Variants in SPATA6 observed in about 807,000 individuals in gnomAD.
The protein encoded by SPATA6 is spermatogenesis-associated protein 6.
A neutral mutation model predicts 65.3 loss-of-function variants in SPATA6; 56 were observed. The ratio of observed to expected loss-of-function variants is 0.86; its 90% CI spans 0.69 to 1.07. SPATA6 has a LOEUF of 1.07. SPATA6 is among the 50% of genes least tolerant of loss of function. The probability of loss-of-function intolerance (pLI) is 0.00; values close to 1 mark genes in which losing one functional copy is unlikely to be tolerated. For synonymous variants in SPATA6, 199 were observed against 213.2 expected (o/e 0.93, Z 0.58); for missense variants, 590 against 594.8 (o/e 0.99, Z 0.08).
At position 48,454,620 on chromosome 1, in the gene SPATA6, T is replaced by C. The variant is rs576884314; in HGVS notation, c.52-1489A>G. 5.9e-5 allele frequency among the ~76,000 whole-genome samples: 9 copies of C among 152,338 alleles called. No individual in the cohort carries two copies. The South Asian group carries it at 1.9e-3, about 32-fold the overall frequency. ...TAATTAAGAGGGTACATATCACCTC[T>C]TGATCATAAATTTCCTGAGGACAGA... On this transcript the variant is annotated intron_variant, in intron 1 of 12. Transcript: ENST00000371847.
chr1:48,472,137 G>A lies in SPATA6; in HGVS notation c.-129C>T. 2 of 695,818 alleles carry A rather than the reference G, an allele frequency of 2.9e-6. No individual in the cohort carries two copies. The highest frequency in any genetic ancestry group is 2.0e-5 in the South Asian group (1 of 48,790). 43.1% of individuals were successfully genotyped at this position (695,818 alleles called of 1,614,324 possible). A position where few individuals can be genotyped will look rare whatever the true frequency, so the allele number is the denominator to read the frequency against. On this transcript the variant is annotated 5_prime_UTR_variant, in exon 1 of 13. Coordinates refer to ENST00000371847, the MANE Select transcript of SPATA6 (RefSeq NM_019073.4). ...CGGTGGCAGCAGTGGCCCCCAGGCCGGGGCCCGCGGTCCAGCCTGGGTTCC... is the reference window on the plus strand; with the variant it reads ...CGGTGGCAGCAGTGGCCCCCAGGCCAGGGCCCGCGGTCCAGCCTGGGTTCC...
intron 12 of SPATA6, among the ~76,000 whole-genome samples, chr1:48,299,960 G>A (rs78271588): frequency 1.8e-4 from 27 of 152,242 alleles, no homozygotes; most frequent in South Asian, 8.3e-4. Flanking sequence ...AGGCAGAAGA[G>A]TTTGAAGTGA....
chr1:48,362,570 TC>T (rs1349771277), intron 9 of SPATA6, among the ~76,000 whole-genome samples: 1 of 152,078 alleles, frequency 6.6e-6, no homozygotes, highest in Non-Finnish European at 1.5e-5. Flanking sequence ...AGATTTAAAC[TC>T]ACAATCCAGA....
Position 48,298,843 on chromosome 1 carries a change from C to A in SPATA6, c.1337G>T (p.Trp446Leu). 1 of 1,613,916 alleles carries A rather than the reference C, an allele frequency of 6.2e-7. No individual in the cohort carries two copies. The change falls in exon 13 of 13, where the codon TGG becomes TTG. Residue 446 changes from tryptophan to leucine, a missense_variant. Physicochemically the swap from Trp to Leu is moderately conservative, Grantham distance 61. Coordinates refer to ENST00000371847, the MANE Select transcript of SPATA6 (RefSeq NM_019073.4). ...GTFHLDDGEYWSNRAASYKGK... is the reference protein window; with the variant it reads ...GTFHLDDGEYLSNRAASYKGK... Reference sequence around the variant, plus strand: ...CTTATAAGAGGCTGCCCTGTTGGACCAGTATTCACCGTCATCCAAATGGAA... The same window carrying A: ...CTTATAAGAGGCTGCCCTGTTGGACAAGTATTCACCGTCATCCAAATGGAA...
At chr1:48,410,589 G>A (rs1185809707) in intron 5 of SPATA6, among the ~76,000 whole-genome samples, 1 of 152,160 alleles carries the variant, frequency 6.6e-6, no homozygotes, top group Non-Finnish European at 1.5e-5. Flanking sequence ...TAATTTATCA[G>A]GAAAGAGGTT....
At chr1:48,363,601 T>C (rs1317029177) in intron 9 of SPATA6, among the ~76,000 whole-genome samples, 3 of 151,798 alleles carry the variant, frequency 2.0e-5, no homozygotes, top group Admixed American at 2.0e-4. Flanking sequence ...TAAAAAAGTC[T>C]TTTTTTTACA....
intron 11 of SPATA6, among the ~76,000 whole-genome samples, chr1:48,309,663 A>G (rs1645150893): frequency 6.6e-6 from 1 of 152,054 alleles, no homozygotes; most frequent in African/African-American, 2.4e-5. Context: ...GTTCCTATTC[A>G]TTGTTTTCTC....
Position 48,368,051 on chromosome 1 carries a change from A to C in SPATA6, c.910-8281T>G, listed in dbSNP as rs547720598. 2.6e-4 allele frequency among the ~76,000 whole-genome samples: 39 copies of C among 152,240 alleles called. 1 individual carries two copies. The South Asian group carries it at 7.7e-3, about 30-fold the overall frequency. On this transcript the variant is annotated intron_variant, in intron 9 of 12. Coordinates refer to ENST00000371847, the MANE Select transcript of SPATA6 (RefSeq NM_019073.4). ...ATAGTATTTTATTTCTCCTTCACTT[A>C]TGAAGCTTAGTTTGGCTGGATATGA...
rs77566725 is a variant in SPATA6, at chr1:48,357,627, T to C, written c.1095-1858A>G. On this transcript the variant is annotated intron_variant, in intron 10 of 12. Transcript: ENST00000371847. ...CATTTACATCAGTTTAAATTGTTTA[T>C]TGATTTCAATAGATTGTATAAACAC... Among the ~76,000 whole-genome samples, 793 of 152,292 alleles carry C rather than the reference T, an allele frequency of 5.2e-3. 15 individuals are homozygous for C. The East Asian group carries it at 0.058, about 11-fold the overall frequency.
At chr1:48,421,500 G>A (rs1653335084) in intron 3 of SPATA6, among the ~76,000 whole-genome samples, 1 of 152,002 alleles carries the variant, frequency 6.6e-6, no homozygotes, top group South Asian at 2.1e-4. Flanking sequence ...ACATCTTATG[G>A]TTATATTGCA....
the SPATA6 span, among the ~76,000 whole-genome samples, chr1:48,277,533 C>T: frequency 1.3e-5 from 2 of 152,190 alleles, no homozygotes; most frequent in Non-Finnish European, 2.9e-5. Flanking sequence ...TTATATCCCG[C>T]ACTTGGCTCG....
intron 11 of SPATA6, among the ~76,000 whole-genome samples, chr1:48,341,084 A>G (rs569118920): frequency 2.2e-4 from 34 of 152,340 alleles, no homozygotes; most frequent in Admixed American, 2.0e-3. Context: ...CAAAATAAAA[A>G]TACAGTGTGC....
intron 9 of SPATA6, among the ~76,000 whole-genome samples, chr1:48,381,648 C>CTT (rs36045284): frequency 0.087 from 9,785 of 112,216 alleles, 417 homozygotes; most frequent in South Asian, 0.11. Context: ...TATGGTTTTT[C>CTT]TTTTTTTTTT....
At chr1:48,399,277 A>G (rs1557664233) in intron 7 of SPATA6, 74 bp downstream of exon 7, 9 of 1,479,978 alleles carry the variant, frequency 6.1e-6, no homozygotes, top group African/African-American at 1.4e-5. Flanking sequence ...AAGTTGAAAG[A>G]TATTTCAGAA....
At chr1:48,346,630 A>T (rs1646373516) in intron 11 of SPATA6, among the ~76,000 whole-genome samples, 1 of 152,128 alleles carries the variant, frequency 6.6e-6, no homozygotes, top group Non-Finnish European at 1.5e-5. Flanking sequence ...AGGGGATACA[A>T]AATCCATGTT....
chr1:48,388,955 T>C (rs1286090261), intron 8 of SPATA6, among the ~76,000 whole-genome samples: 1 of 152,084 alleles, frequency 6.6e-6, no homozygotes, highest in Non-Finnish European at 1.5e-5. Flanking sequence ...GTGTGATCTT[T>C]GCTCATTGCA....
the SPATA6 span, among the ~76,000 whole-genome samples, chr1:48,271,456 T>C: frequency 6.6e-6 from 1 of 152,186 alleles, no homozygotes; most frequent in Admixed American, 6.5e-5. Flanking sequence ...TTCATTTTTA[T>C]GTCTCTTGGC....
intron 8 of SPATA6, among the ~76,000 whole-genome samples, chr1:48,387,918 G>A (rs544774289): frequency 1.6e-4 from 24 of 152,228 alleles, no homozygotes; most frequent in African/African-American, 5.1e-4. Flanking sequence ...CCACTGTCAC[G>A]GTCATCACCC....
chr1:48,470,417 C>G, intron 1 of SPATA6, among the ~76,000 whole-genome samples: 1 of 152,136 alleles, frequency 6.6e-6, no homozygotes, highest in South Asian at 2.1e-4. Flanking sequence ...GAGAAAGTTT[C>G]GTGCATTCTT....
Sources: gnomAD v4.1 joint callset for allele counts (sites outside exome capture counted in the v4.1 genomes callset) on GRCh38, gnomAD v4.1.1 for gene constraint, MANE v1.5 for transcripts, NCBI Gene and HGNC (gene_info 2026-07-23, HGNC 2026-07-21) for gene names.